Variants in SCUBE1 observed in about 807,000 individuals in gnomAD.
SCUBE1 encodes signal peptide, CUB domain and EGF like domain containing 1, also known as signal peptide, CUB and EGF-like domain-containing protein 1.
A neutral mutation model predicts 124.4 loss-of-function variants in SCUBE1; 59 were observed. The ratio of observed to expected loss-of-function variants is 0.47; its 90% confidence interval spans 0.38 to 0.59. The LOEUF (loss-of-function observed/expected upper bound fraction) is 0.59. Among genes scored for constraint, SCUBE1 ranks in the 20% least tolerant of loss-of-function variants. The pLI, the probability that SCUBE1 is intolerant of heterozygous loss-of-function variation, is 0.00. For synonymous variants in SCUBE1, 545 were observed against 550.9 expected (o/e 0.99, Z 0.15); for missense variants, 1,150 against 1,371.2 (o/e 0.84, Z 2.55).
Position 43,223,112 on chromosome 22 carries a change from T to C in SCUBE1, c.1312A>G (p.Thr438Ala). The change falls in exon 11 of 22, where the codon ACA becomes GCA. Residue 438 changes from threonine to alanine, a missense_variant. Transcript: ENST00000360835. ...ESCFLSCPAH[T>A]LFVPDSENSY... ...CCCGGGTTACCTGGCACGAAGAGTG[T>C]GTGAGCCGGGCAGGAAAGGAAGCAG... The C allele has an allele frequency of 6.5e-7, 1 of 1,549,706 alleles. No individual in the cohort carries two copies. The highest frequency in any genetic ancestry group is 8.7e-7 in the Non-Finnish European group (1 of 1,154,946).
chr22:43,206,859 A>G, intron 21 of SCUBE1, among the ~76,000 whole-genome samples: 1 of 152,106 alleles, frequency 6.6e-6, no homozygotes, highest in East Asian at 1.9e-4. Flanking sequence ...CAGCTTGAGG[A>G]GGAAATCAGG....
intron 3 of SCUBE1, among the ~76,000 whole-genome samples, chr22:43,308,341 G>C (rs1161042858): frequency 6.6e-6 from 1 of 152,200 alleles, no homozygotes; most frequent in Non-Finnish European, 1.5e-5. Context: ...AGGTGGTGGG[G>C]TAGTAGGTGG....
At chr22:43,332,705 C>T (rs1192373214) in intron 2 of SCUBE1, among the ~76,000 whole-genome samples, 1 of 152,234 alleles carries the variant, frequency 6.6e-6, no homozygotes, top group East Asian at 1.9e-4. Flanking sequence ...GTGCAAGCCT[C>T]TGCTTCCTCA....
intron 4 of SCUBE1, among the ~76,000 whole-genome samples, chr22:43,288,032 G>A (rs1342395640): frequency 2.6e-5 from 4 of 152,188 alleles, no homozygotes; most frequent in Non-Finnish European, 5.9e-5. Context: ...GCTGCACCTT[G>A]TCGTTCGAGA....
chr22:43,306,225 G>A (rs1569023376), intron 3 of SCUBE1, among the ~76,000 whole-genome samples: 1 of 152,218 alleles, frequency 6.6e-6, no homozygotes, highest in South Asian at 2.1e-4. Flanking sequence ...TTAGGGCCAC[G>A]GCTCCGTGTC....
chr22:43,291,147 C>A lies in SCUBE1; in HGVS notation c.383G>T (p.Cys128Phe), dbSNP rs1180931246. Reference sequence around the variant, plus strand: ...CATGGCATTGACGCAGATCTGCTGGCAGCCACCATTATTGTCCTGACACTC... The same window carrying A: ...CATGGCATTGACGCAGATCTGCTGGAAGCCACCATTATTGTCCTGACACTC... Reference protein sequence around the residue: ...VDECQDNNGGCQQICVNAMGS... With the variant: ...VDECQDNNGGFQQICVNAMGS... The change falls in exon 4 of 22, where the codon TGC (cysteine) becomes TTC (phenylalanine). Residue 128 changes from cysteine to phenylalanine, a missense_variant. Physicochemically the swap from Cys to Phe is radical, Grantham distance 205 (BLOSUM62 -2). Transcript: ENST00000360835. 1 of 1,613,134 alleles carries A rather than the reference C, an allele frequency of 6.2e-7. No individual in the cohort carries two copies. Among genetic ancestry groups the A allele is most frequent in the Non-Finnish European group, 8.5e-7 (1 of 1,179,166 alleles).
At chr22:43,250,010 C>G (rs747540666) in intron 6 of SCUBE1, among the ~76,000 whole-genome samples, 1 of 152,374 alleles carries the variant, frequency 6.6e-6, no homozygotes, top group Non-Finnish European at 1.5e-5. Flanking sequence ...GTGCTTCCTA[C>G]GTGCCTGGCA....
intron 21 of SCUBE1, among the ~76,000 whole-genome samples, chr22:43,206,817 A>C (rs1921309004): frequency 6.6e-6 from 1 of 152,038 alleles, no homozygotes; most frequent in African/African-American, 2.4e-5. Flanking sequence ...GCGGGGAGAG[A>C]GCCCAGGACG....
At chr22:43,218,229 C>A in intron 15 of SCUBE1, 26 bp downstream of exon 15, 6 of 1,608,650 alleles carry the variant, frequency 3.7e-6, no homozygotes, top group Non-Finnish European at 4.2e-6. Context: ...GAGTCAGCAT[C>A]TGAGTGGCCA....
rs778916620 is a variant in SCUBE1, at chr22:43,211,111, G to A, written c.2222-28C>T. 24 of 1,583,884 alleles carry A rather than the reference G, an allele frequency of 1.5e-5. No homozygotes were observed. Among genetic ancestry groups the A allele is most frequent in the Non-Finnish European group, 2.1e-5 (24 of 1,163,890 alleles). ...GCCGGGGGACACAAGGCAGTGTGGT[G>A]GGTGTGGAGGGGTGCAGGGAAAGGG... On this transcript the variant is annotated intron_variant, in intron 17 of 21. Coordinates refer to ENST00000360835, the MANE Select transcript of SCUBE1 (RefSeq NM_173050.5). This position sits in a 1 kb window ranked among gnomAD's most constrained non-coding sequence, Gnocchi z 4.5.
Position 43,342,334 on chromosome 22 carries a change from C to T in SCUBE1, c.88+840G>A, listed in dbSNP as rs528075857. Among the ~76,000 whole-genome samples the T allele has an allele frequency of 6.6e-5, 10 of 152,130 alleles. No individual in the cohort carries two copies. The South Asian group carries it at 1.9e-3, about 28-fold the overall frequency. ...GGGTCTCCCCCTCCCCTTCCTGGGT[C>T]TGCTCCACCGACGTCCCGCGTCCGG... On this transcript the variant is annotated intron_variant, in intron 1 of 21. Coordinates refer to ENST00000360835, the MANE Select transcript of SCUBE1 (RefSeq NM_173050.5).
chr22:43,314,504 G>A (rs1926276917), intron 3 of SCUBE1, among the ~76,000 whole-genome samples: 1 of 152,096 alleles, frequency 6.6e-6, no homozygotes, highest in South Asian at 2.1e-4. Context: ...CACCACCATG[G>A]AGTAAGGGGT....
chr22:43,219,255 C>CA (rs1234927853), intron 14 of SCUBE1, among the ~76,000 whole-genome samples: 3 of 152,118 alleles, frequency 2.0e-5, no homozygotes, highest in Non-Finnish European at 4.4e-5. Context: ...CTGGTGAAGA[C>CA]ATAGGCACCC....
chr22:43,258,131 G>A lies in SCUBE1; in HGVS notation c.727+88C>T, dbSNP rs1923732711. The A allele has an allele frequency of 9.9e-6, 9 of 913,568 alleles. 1 individual carries two copies. Among genetic ancestry groups the A allele is most frequent in the South Asian group, 2.6e-5 (2 of 76,262 alleles). The allele number at this position is 913,568 out of a possible 1,614,324, so 56.6% of individuals were successfully genotyped here. On this transcript the variant is annotated intron_variant, in intron 6 of 21. Coordinates refer to ENST00000360835, the MANE Select transcript of SCUBE1 (RefSeq NM_173050.5). This position sits in a 1 kb window ranked among gnomAD's most constrained non-coding sequence, Gnocchi z 5.0. ...AAGCTTCCTTCCGGGGAACCCGGAC[G>A]TGGCAGGGTGCTGGCCCTGCTGGTG...
chr22:43,221,283 G>C lies in SCUBE1; in HGVS notation c.1439C>G (p.Pro480Arg), dbSNP rs548608916. ...SGLGPSCSDA[P>R]TTPIKQKARF... ...GGCCTTCTGTTTGATGGGGGTGGTG[G>C]GGGCATCTGGGGAAAGCCAAAATTC... is the stretch of plus-strand genomic sequence containing the variant. Residue 480 changes from proline (P) to arginine (R), a missense_variant, in exon 13 of 22, where the codon CCC becomes CGC. By Grantham distance (103) the Pro-to-Arg change is moderately radical. Around this residue, in one of 3 missense-constraint regions of SCUBE1, gnomAD observed 757 missense variants for 840.9 expected, o/e 0.90. Coordinates refer to ENST00000360835, the MANE Select transcript of SCUBE1 (RefSeq NM_173050.5). 1 of 1,608,274 alleles carries C rather than the reference G, an allele frequency of 6.2e-7. No homozygotes were observed. Among genetic ancestry groups the C allele is most frequent in the Admixed American group, 1.7e-5 (1 of 59,986 alleles).
At chr22:43,339,071 AG>A in intron 2 of SCUBE1, 32 bp downstream of exon 2, 1 of 1,611,278 alleles carries the variant, frequency 6.2e-7, no homozygotes, top group Non-Finnish European at 8.5e-7. Context: ...TGGCAGCCTC[AG>A]GGTCTGCCCG....
At chr22:43,280,147 C>T (rs1017265906) in intron 4 of SCUBE1, among the ~76,000 whole-genome samples, 11 of 152,088 alleles carry the variant, frequency 7.2e-5, no homozygotes, top group Admixed American at 2.6e-4. Flanking sequence ...GGGCAGGGTT[C>T]GGCGCTGTCT....
Position 43,318,828 on chromosome 22 carries a change from C to T in SCUBE1, c.349+1109G>A, listed in dbSNP as rs1436916011. ...CACTGCAACCTCCGTCTCCTGGGTT[C>T]AAGTGACCCTCCTACCTCAGCCTCC... On this transcript the variant is annotated intron_variant, in intron 3 of 21. Coordinates refer to ENST00000360835, the MANE Select transcript of SCUBE1 (RefSeq NM_173050.5). 3.9e-5 allele frequency among the ~76,000 whole-genome samples: 6 copies of T among 152,170 alleles called. No individual in the cohort carries two copies. In the East Asian group the frequency reaches 1.2e-3, roughly 29 times the overall value.
chr22:43,319,894 G>A, intron 3 of SCUBE1, 43 bp downstream of exon 3: 2 of 1,605,904 alleles, frequency 1.2e-6, no homozygotes, highest in African/African-American at 2.7e-5. Flanking sequence ...CAAAGCAACA[G>A]GCAGGGTGTG....
Sources: gnomAD v4.1 joint callset for allele counts (sites outside exome capture counted in the v4.1 genomes callset) on GRCh38, gnomAD v4.1.1 for gene constraint, gnomAD v4.1.1 regional missense constraint, Gnocchi (gnomAD v3.1) non-coding constraint, MANE v1.5 for transcripts, NCBI Gene and HGNC (gene_info 2026-07-23, HGNC 2026-07-21) for gene names.